Variants in IGHMBP2 observed in about 807,000 individuals in gnomAD.
IGHMBP2 encodes immunoglobulin mu DNA binding protein 2.
A neutral mutation model predicts 96.0 loss-of-function variants in IGHMBP2; 81 were observed. The ratio of observed to expected loss-of-function variants is 0.84; its 90% CI spans 0.71 to 1.01. IGHMBP2 has a LOEUF of 1.01. Ranked by LOEUF, IGHMBP2 falls within the 50% of genes least tolerant of loss-of-function variation. The probability of loss-of-function intolerance (pLI) is 0.00; values close to 1 mark genes in which losing one functional copy is unlikely to be tolerated. For missense variants in IGHMBP2, 1,227 were observed against 1,306.3 expected, an observed-to-expected ratio of 0.94 and a Z score of 0.94; for synonymous variants, 557 against 548.9, an observed-to-expected ratio of 1.01 and a Z score of -0.21.
In IGHMBP2 at chr11:68,918,003, G is replaced by A. The variant is rs1391693693; in HGVS notation, c.1060+120G>A. ...GTATTTCTTTCTTAAAAGTTGGGTA[G>A]GGTTCACTAGGGAAGGCCTCCGTAC... On this transcript the variant is annotated intron_variant, in intron 7 of 14. Coordinates refer to ENST00000255078, the MANE Select transcript of IGHMBP2 (RefSeq NM_002180.3). 6.5e-6 allele frequency: 7 copies of A among 1,073,882 alleles called. No individual in the cohort carries two copies. The Admixed American group carries it at 1.4e-4, about 21-fold the overall frequency. The allele number at this position is 1,073,882 out of a possible 1,614,324, so 66.5% of individuals were successfully genotyped here. A position where few individuals can be genotyped will look rare whatever the true frequency, so the allele number is the denominator to read the frequency against.
intron 10 of IGHMBP2, 128 bp downstream of exon 10, chr11:68,934,041 G>A (rs1436817835): frequency 8.0e-6 from 6 of 749,974 alleles, no homozygotes; most frequent in East Asian, 5.4e-5. Context: ...GTGAAAAAAC[G>A]GAGCCCCACA....
chr11:68,931,254 G>A (rs1394319681), intron 8 of IGHMBP2, among the ~76,000 whole-genome samples: 1 of 152,170 alleles, frequency 6.6e-6, no homozygotes, highest in Non-Finnish European at 1.5e-5. Flanking sequence ...ATGGTGTGGG[G>A]GTTGTCCTTC....
intron 4 of IGHMBP2, 130 bp downstream of exon 4, chr11:68,908,761 T>G: frequency 2.9e-6 from 2 of 700,472 alleles, no homozygotes; most frequent in Admixed American, 4.3e-5. Flanking sequence ...AACATCTTTG[T>G]AGGAGTGTCT....
intron 2 of IGHMBP2, 58 bp downstream of exon 2, chr11:68,906,296 T>G (rs935835880): frequency 1.2e-5 from 19 of 1,556,012 alleles, no homozygotes; most frequent in Middle Eastern, 1.8e-4. Flanking sequence ...GACCGTGACT[T>G]GTACCCTCGT....
chr11:68,916,911 T>A (rs1052210919), intron 6 of IGHMBP2, among the ~76,000 whole-genome samples: 1 of 149,626 alleles, frequency 6.7e-6, no homozygotes, highest in African/African-American at 2.5e-5. Flanking sequence ...GTAAAATACC[T>A]CCTGTCACCC....
Position 68,935,288 on chromosome 11 carries a change from T to C in IGHMBP2, c.1633-11T>C. ...GTGGGTGAGGAAACCACAGCCCGGC[T>C]GGTGTTTCAGGTGGACCTGCTCAGA... On this transcript the variant is annotated splice_polypyrimidine_tract_variant and intron_variant, in intron 11 of 14. Coordinates refer to ENST00000255078, the MANE Select transcript of IGHMBP2 (RefSeq NM_002180.3). 2 of 1,613,810 alleles carry C rather than the reference T, an allele frequency of 1.2e-6. No homozygotes were observed.
Position 68,936,532 on chromosome 11 carries a change from G to T in IGHMBP2, c.2052G>T (p.Gln684His). The change falls in exon 13 of 15, where the codon CAG (glutamine) becomes CAT (histidine). Residue 684 changes from glutamine to histidine, a missense_variant. By Grantham distance (24) the Gln-to-His change is conservative. Transcript: ENST00000255078. ...RTGSQRQEGG[Q>H]EAAAPARQGR... Reference sequence around the variant, plus strand: ...GAAGCCAGCGGCAGGAGGGAGGCCAGGAGGCTGCAGCACCTGCCAGACAGG... The same window carrying T: ...GAAGCCAGCGGCAGGAGGGAGGCCATGAGGCTGCAGCACCTGCCAGACAGG... 1 of 1,613,174 alleles carries T rather than the reference G, an allele frequency of 6.2e-7. No homozygotes were observed. Among genetic ancestry groups the T allele is most frequent in the Non-Finnish European group, 8.5e-7 (1 of 1,179,774 alleles).
chr11:68,904,953 C>T (rs1169398372), intron 1 of IGHMBP2, among the ~76,000 whole-genome samples: 1 of 152,008 alleles, frequency 6.6e-6, no homozygotes, highest in South Asian at 2.1e-4. Context: ...CGCGCCACCA[C>T]GTCCTGCTAA....
intron 13 of IGHMBP2, 53 bp from the exon 14 acceptor site, chr11:68,938,129 G>A: frequency 6.3e-7 from 1 of 1,593,898 alleles, no homozygotes; most frequent in Non-Finnish European, 8.6e-7. Flanking sequence ...AACCTTAAAT[G>A]AGGGGCCAGG....
chr11:68,908,338 G>C lies in IGHMBP2; in HGVS notation c.449+1G>C. The C allele has an allele frequency of 2.5e-6, 4 of 1,613,410 alleles. No individual in the cohort carries two copies. Among genetic ancestry groups the C allele is most frequent in the Non-Finnish European group, 3.4e-6 (4 of 1,179,404 alleles). Reference sequence around the variant, plus strand: ...ATGTCACTTACAGGCGACTGAAAAAGTAAGTGGATGGGACTGGAAATCCTA... The same window carrying C: ...ATGTCACTTACAGGCGACTGAAAAACTAAGTGGATGGGACTGGAAATCCTA... On this transcript the variant is annotated splice_donor_variant, in intron 3 of 14. Coordinates refer to ENST00000255078, the MANE Select transcript of IGHMBP2 (RefSeq NM_002180.3). LOFTEE classifies it high-confidence loss of function.
chr11:68,933,382 T>A lies in IGHMBP2; in HGVS notation c.1319T>A (p.Val440Glu). 1 of 1,613,116 alleles carries A rather than the reference T, an allele frequency of 6.2e-7. No individual in the cohort carries two copies. Among genetic ancestry groups the A allele is most frequent in the Non-Finnish European group, 8.5e-7 (1 of 1,179,880 alleles). ...YGARVVRTLT[V>E]QYRMHQAIMR... is the part of the protein sequence containing the mutation. ...GCGAGGGTGGTGCGGACACTGACGG[T>A]GCAGTACCGCATGCACCAGGCTATC... Residue 440 changes from valine to glutamate, a missense_variant, in exon 9 of 15, where the codon GTG becomes GAG. Val to Glu is a moderately radical substitution (Grantham distance 121, BLOSUM62 -2). Transcript: ENST00000255078.
chr11:68,933,293 G>T lies in IGHMBP2; in HGVS notation c.1236-6G>T. On this transcript the variant is annotated splice_region_variant and splice_polypyrimidine_tract_variant and intron_variant, in intron 8 of 14. Coordinates refer to ENST00000255078, the MANE Select transcript of IGHMBP2 (RefSeq NM_002180.3). ...TGCCTTCCCCCTTTCTCCCTCCTGGGCGCAGGGCTGCGCTGGCAGGACTGT... is the reference window on the plus strand; with the variant it reads ...TGCCTTCCCCCTTTCTCCCTCCTGGTCGCAGGGCTGCGCTGGCAGGACTGT... 6.2e-7 allele frequency: 1 copy of T among 1,610,922 alleles called. No homozygotes were observed. Among genetic ancestry groups the T allele is most frequent in the Non-Finnish European group, 8.5e-7 (1 of 1,179,244 alleles).
intron 8 of IGHMBP2, chr11:68,932,776 T>A: frequency 6.2e-6 from 1 of 162,298 alleles, no homozygotes; most frequent in Non-Finnish European, 1.4e-5. Flanking sequence ...AATCTGGGGG[T>A]CAGATGTCCA....
At chr11:68,921,722 T>A (rs773398365) in intron 7 of IGHMBP2, among the ~76,000 whole-genome samples, 2 of 152,230 alleles carry the variant, frequency 1.3e-5, no homozygotes, top group African/African-American at 2.4e-5. Context: ...GCGCTTTGTT[T>A]TCTTTTGGTT....
In IGHMBP2 at chr11:68,921,442, T is replaced by G. The variant is rs567380845; in HGVS notation, c.1060+3559T>G. On this transcript the variant is annotated intron_variant, in intron 7 of 14. Transcript: ENST00000255078. ...TTGTTAGCTATATATCTGTATTTGA[T>G]TCTTTCAGTGGTTACTTTAGGCCTT... Among the ~76,000 whole-genome samples the G allele has an allele frequency of 8.5e-4, 130 of 152,276 alleles. 1 individual carries two copies. Among genetic ancestry groups the G allele is most frequent in the Non-Finnish European group, 1.5e-3 (100 of 68,018 alleles).
At position 68,908,173 on chromosome 11, in the gene IGHMBP2, T is replaced by C; in HGVS notation, c.285T>C (p.Ala95=). Residue 95 remains alanine (A), a synonymous_variant, in exon 3 of 15, where the codon GCT becomes GCC. Coordinates refer to ENST00000255078, the MANE Select transcript of IGHMBP2 (RefSeq NM_002180.3). ...SGDIVGLYDA[A]NEGSQLATGI... is the part of the protein sequence containing the mutation. ...ATATCGTGGGCCTGTACGATGCTGCTAATGAGGGCAGTCAGCTGGCCACTG... is the reference window on the plus strand; with the variant it reads ...ATATCGTGGGCCTGTACGATGCTGCCAATGAGGGCAGTCAGCTGGCCACTG... The C allele has an allele frequency of 6.2e-7, 1 of 1,614,116 alleles. No individual in the cohort carries two copies. The highest frequency in any genetic ancestry group is 8.5e-7 in the Non-Finnish European group (1 of 1,180,012).
intron 1 of IGHMBP2, among the ~76,000 whole-genome samples, chr11:68,904,957 C>T (rs1376738078): frequency 6.6e-6 from 1 of 152,014 alleles, no homozygotes; most frequent in Non-Finnish European, 1.5e-5. Flanking sequence ...CCACCACGTC[C>T]TGCTAATTTT....
rs372230504 is a variant in IGHMBP2, at chr11:68,938,167, G to A, written c.2612-15G>A. 8.8e-5 allele frequency: 142 copies of A among 1,613,780 alleles called. No homozygotes were observed. The highest frequency in any genetic ancestry group is 1.6e-4 in the Middle Eastern group (1 of 6,084). On this transcript the variant is annotated splice_polypyrimidine_tract_variant and intron_variant, in intron 13 of 14. Coordinates refer to ENST00000255078, the MANE Select transcript of IGHMBP2 (RefSeq NM_002180.3). ...TTGTCTTTCCGTTTGCCTGAGTGAC[G>A]CGGGTCTTCTCCAGGACATCCGGCC...
intron 7 of IGHMBP2, among the ~76,000 whole-genome samples, chr11:68,924,973 T>A (rs1859008415): frequency 6.6e-6 from 1 of 152,062 alleles, no homozygotes; most frequent in South Asian, 2.1e-4. Flanking sequence ...GTTTTTTTTT[T>A]AAGCTCATCA....
Sources: gnomAD v4.1 joint callset for allele counts (sites outside exome capture counted in the v4.1 genomes callset) on GRCh38, gnomAD v4.1.1 for gene constraint, MANE v1.5 for transcripts, NCBI Gene and HGNC (gene_info 2026-07-23, HGNC 2026-07-21) for gene names.